The following MAPK14 variants were observed in gnomAD, a reference collection of about 807,000 sequenced individuals.
MAPK14 encodes mitogen-activated protein kinase 14, also known as CSAID-binding protein.
In MAPK14, 16 loss-of-function variants were observed where a neutral mutation model predicts 49.6. The ratio of observed to expected loss-of-function variants is 0.32; its 90% confidence interval spans 0.22 to 0.49. The LOEUF (loss-of-function observed/expected upper bound fraction) is 0.49, where lower values mean the gene tolerates loss of function less well. Among genes scored for constraint, MAPK14 ranks in the 20% least tolerant of loss-of-function variants. The pLI is 0.99. For synonymous variants in MAPK14, 142 were observed against 158.0 expected (o/e 0.90, Z 0.76); for missense variants, 200 against 441.2 (o/e 0.45, Z 4.90).
intron 3 of MAPK14, among the ~76,000 whole-genome samples, chr6:36,060,196 G>A (rs145669667): frequency 2.0e-5 from 3 of 152,284 alleles, no homozygotes; most frequent in Non-Finnish European, 2.9e-5. Flanking sequence ...GAAGCTGTAC[G>A]TAATGCACCT....
downstream of MAPK14, among the ~76,000 whole-genome samples, chr6:36,114,319 A>C (rs1581865758): frequency 1.3e-5 from 2 of 152,324 alleles, no homozygotes; most frequent in South Asian, 2.1e-4. Context: ...GTTGTAACTT[A>C]AAGAAGTAGT....
intron 1 of MAPK14, among the ~76,000 whole-genome samples, chr6:36,039,694 G>A (rs1226420550): frequency 6.6e-6 from 1 of 152,146 alleles, no homozygotes; most frequent in African/African-American, 2.4e-5. Flanking sequence ...AAAAAAAGAA[G>A]GGTCCCTCCT....
chr6:36,114,486 T>G (rs1415444132), downstream of MAPK14, among the ~76,000 whole-genome samples: 1 of 151,670 alleles, frequency 6.6e-6, no homozygotes, highest in African/African-American at 2.4e-5. Context: ...GGCTTGGTGG[T>G]GGGCACCTGT....
At chr6:36,058,388 C>T (rs564741684) in intron 2 of MAPK14, among the ~76,000 whole-genome samples, 3 of 152,172 alleles carry the variant, frequency 2.0e-5, no homozygotes, top group Admixed American at 2.0e-4. Flanking sequence ...AGGCAAGGAC[C>T]CTAAATCTTT....
At chr6:36,054,582 A>G (rs980302349) in intron 2 of MAPK14, among the ~76,000 whole-genome samples, 5 of 152,234 alleles carry the variant, frequency 3.3e-5, no homozygotes, top group African/African-American at 9.6e-5. Context: ...AAAATAAGGC[A>G]CATGGCTGAA....
intron 3 of MAPK14, among the ~76,000 whole-genome samples, chr6:36,070,048 A>C (rs1045897472): frequency 2.0e-5 from 3 of 152,184 alleles, no homozygotes; most frequent in African/African-American, 7.2e-5. Flanking sequence ...TTATGCATCA[A>C]TTTAGGGTTA....
chr6:36,076,803 T>C, intron 8 of MAPK14, 195 bp downstream of exon 8: 1 of 440,802 alleles, frequency 2.3e-6, no homozygotes, highest in Non-Finnish European at 4.0e-6. Context: ...CTTTTGTGAG[T>C]TGGAAAAATT....
intron 10 of MAPK14, among the ~76,000 whole-genome samples, chr6:36,103,373 T>C (rs1406178266): frequency 6.6e-6 from 1 of 152,010 alleles, no homozygotes; most frequent in Non-Finnish European, 1.5e-5. Flanking sequence ...AGGGTCTCGC[T>C]CTTTTACCCA....
At chr6:36,072,542 G>C (rs1764345189) in intron 3 of MAPK14, among the ~76,000 whole-genome samples, 1 of 151,968 alleles carries the variant, frequency 6.6e-6, no homozygotes, top group Non-Finnish European at 1.5e-5. Flanking sequence ...TGAGGCGGGG[G>C]GATCATGAGG....
intron 8 of MAPK14, chr6:36,092,419 C>G (rs566121059): frequency 5.0e-5 from 34 of 677,652 alleles, no homozygotes; most frequent in Middle Eastern, 5.2e-4. Context: ...TTCACCAGAA[C>G]GATACACTCG....
chr6:36,034,406 G>A (rs1373446251), intron 1 of MAPK14, among the ~76,000 whole-genome samples: 1 of 152,184 alleles, frequency 6.6e-6, no homozygotes. Flanking sequence ...ATAAGTATAG[G>A]ATATAAATAG....
intron 9 of MAPK14, among the ~76,000 whole-genome samples, chr6:36,099,103 C>T (rs564639487): frequency 3.9e-5 from 6 of 152,080 alleles, no homozygotes; most frequent in Admixed American, 3.3e-4. Context: ...GTTCAGAGGA[C>T]GAGCTAAAGT....
intron 3 of MAPK14, among the ~76,000 whole-genome samples, chr6:36,066,225 T>C (rs2127434131): frequency 6.6e-6 from 1 of 152,234 alleles, no homozygotes; most frequent in South Asian, 2.1e-4. Flanking sequence ...ACATACAAAA[T>C]TGCATCTCTC....
intron 9 of MAPK14, among the ~76,000 whole-genome samples, chr6:36,098,456 C>G (rs143029467): frequency 6.6e-6 from 1 of 152,032 alleles, no homozygotes; most frequent in African/African-American, 2.4e-5. Context: ...GAGGATCACT[C>G]GAGGCCAGGA....
At chr6:36,063,298 G>A (rs1033091244) in intron 3 of MAPK14, among the ~76,000 whole-genome samples, 1 of 151,990 alleles carries the variant, frequency 6.6e-6, no homozygotes, top group Non-Finnish European at 1.5e-5. Flanking sequence ...TAAAAATATG[G>A]TACTGTAGGC....
the MAPK14 span, among the ~76,000 whole-genome samples, chr6:36,117,424 A>T: frequency 6.6e-6 from 1 of 151,984 alleles, no homozygotes; most frequent in Admixed American, 6.6e-5. Flanking sequence ...CATTCCTCTG[A>T]GCTAATGTAT....
intron 9 of MAPK14, chr6:36,097,553 TAATA>T (rs1226351283): frequency 6.6e-6 from 1 of 152,180 alleles, no homozygotes; most frequent in East Asian, 1.9e-4. Flanking sequence ...GGAGCTCAAT[TAATA>T]AATAGTGCTA....
At chr6:36,048,464 AT>A (rs1763272229) in intron 1 of MAPK14, among the ~76,000 whole-genome samples, 1 of 152,248 alleles carries the variant, frequency 6.6e-6, no homozygotes, top group Admixed American at 6.5e-5. Context: ...GGCTTGAGCC[AT>A]TGTGCCTGGC....
At chr6:36,079,684 A>T (rs1306016783) in intron 8 of MAPK14, among the ~76,000 whole-genome samples, 2 of 152,058 alleles carry the variant, frequency 1.3e-5, no homozygotes, top group Non-Finnish European at 2.9e-5. Flanking sequence ...ATCATTTTGC[A>T]TTTGGAATTG....
Sources: gnomAD v4.1 joint callset for allele counts (sites outside exome capture counted in the v4.1 genomes callset) on GRCh38, gnomAD v4.1.1 for gene constraint, MANE v1.5 for transcripts, NCBI Gene and HGNC (gene_info 2026-07-23, HGNC 2026-07-21) for gene names.